Variants in DDX10 observed in about 807,000 individuals in gnomAD.
DDX10 encodes the protein DEAD-box helicase 10.
A neutral mutation model predicts 104.3 loss-of-function variants in DDX10; 74 were observed. That is an observed-to-expected ratio of 0.71 (90% CI 0.59 to 0.86). DDX10 has a LOEUF of 0.86. Among genes scored for constraint, DDX10 ranks in the 40% least tolerant of loss-of-function variants. DDX10 has a pLI of 0.00. For synonymous variants in DDX10, 351 were observed against 353.4 expected (o/e 0.99, Z 0.08); for missense variants, 952 against 1,040.0 (o/e 0.92, Z 1.16).
intron 13 of DDX10, among the ~76,000 whole-genome samples, chr11:108,803,443 A>C (rs1015744651): frequency 6.6e-6 from 1 of 152,062 alleles, no homozygotes; most frequent in Non-Finnish European, 1.5e-5. Flanking sequence ...AAAATAAAAA[A>C]ATTAGCCGAG....
At chr11:108,719,588 G>C (rs2094295748) in intron 11 of DDX10, among the ~76,000 whole-genome samples, 1 of 152,114 alleles carries the variant, frequency 6.6e-6, no homozygotes, top group Non-Finnish European at 1.5e-5. Context: ...TCTGGGTTAG[G>C]TTGGCTTGAA....
chr11:108,907,126 A>G (rs903066767), intron 16 of DDX10, among the ~76,000 whole-genome samples: 3 of 152,114 alleles, frequency 2.0e-5, no homozygotes, highest in African/African-American at 7.2e-5. Flanking sequence ...CACTGCATGC[A>G]TTATTTATAT....
At chr11:108,814,574 T>C (rs1179184179) in intron 13 of DDX10, among the ~76,000 whole-genome samples, 2 of 152,174 alleles carry the variant, frequency 1.3e-5, no homozygotes, top group Non-Finnish European at 2.9e-5. Flanking sequence ...TAAAATGCTT[T>C]GTATAAAAAT....
At chr11:108,888,699 A>C (rs956993592) in intron 16 of DDX10, among the ~76,000 whole-genome samples, 1 of 151,988 alleles carries the variant, frequency 6.6e-6, no homozygotes, top group African/African-American at 2.4e-5. Context: ...AGGATGCTGC[A>C]TGGATGTGCT....
intron 13 of DDX10, among the ~76,000 whole-genome samples, chr11:108,790,326 T>C (rs1470909490): frequency 6.6e-6 from 1 of 152,208 alleles, no homozygotes; most frequent in Admixed American, 6.5e-5. Context: ...ATTAACCCAA[T>C]GAACTACAAA....
intron 13 of DDX10, among the ~76,000 whole-genome samples, chr11:108,809,892 T>C (rs1565285756): frequency 6.6e-6 from 1 of 152,202 alleles, no homozygotes; most frequent in South Asian, 2.1e-4. Context: ...CAAAAATTGA[T>C]AGAGTTTTAT....
intron 10 of DDX10, among the ~76,000 whole-genome samples, chr11:108,708,906 A>C (rs2094280381): frequency 6.6e-6 from 1 of 152,156 alleles, no homozygotes; most frequent in African/African-American, 2.4e-5. Context: ...ATTTGTGATA[A>C]AAACAGGAAA....
intron 13 of DDX10, among the ~76,000 whole-genome samples, chr11:108,770,516 A>T (rs1419503588): frequency 1.1e-4 from 3 of 27,844 alleles, no homozygotes; most frequent in Non-Finnish European, 1.4e-4. Flanking sequence ...ACCAACCCCC[A>T]CTACCCTTCC....
At chr11:108,940,153 A>G in intron 17 of DDX10, 93 bp from the exon 18 acceptor site, 1 of 1,312,538 alleles carries the variant, frequency 7.6e-7, no homozygotes, top group Non-Finnish European at 1.0e-6. Context: ...CTTGAATAAT[A>G]TCACTTTACC....
chr11:108,810,902 C>A (rs76287228), intron 13 of DDX10, among the ~76,000 whole-genome samples: 1 of 152,230 alleles, frequency 6.6e-6, no homozygotes, highest in African/African-American at 2.4e-5. Flanking sequence ...CCGTTTCGCA[C>A]CTCCCCTAGA....
intron 16 of DDX10, among the ~76,000 whole-genome samples, chr11:108,881,674 C>T (rs1423459862): frequency 1.3e-5 from 2 of 152,194 alleles, no homozygotes; most frequent in African/African-American, 2.4e-5. Flanking sequence ...GATGATTTCG[C>T]TCAATGATAG....
intron 13 of DDX10, among the ~76,000 whole-genome samples, chr11:108,754,271 G>A (rs2726889): frequency 0.12 from 18,593 of 151,874 alleles, 1,545 homozygotes; most frequent in East Asian, 0.27. Flanking sequence ...CTTGCCCTCC[G>A]TCTGAGTTGT....
At chr11:108,911,862 G>T (rs769274071) in intron 16 of DDX10, among the ~76,000 whole-genome samples, 1 of 152,090 alleles carries the variant, frequency 6.6e-6, no homozygotes, top group Non-Finnish European at 1.5e-5. Flanking sequence ...TGGGGGTTAG[G>T]TTTCAACACA....
chr11:108,862,026 C>A (rs1447390546), intron 16 of DDX10, among the ~76,000 whole-genome samples: 1 of 152,076 alleles, frequency 6.6e-6, no homozygotes, highest in African/African-American at 2.4e-5. Context: ...CTCTCCCTTT[C>A]ATCAATCTAA....
Position 108,665,099 on chromosome 11 carries a change from G to A in DDX10, c.-55G>A. 1.3e-6 allele frequency: 2 copies of A among 1,543,622 alleles called. No individual in the cohort carries two copies. Among genetic ancestry groups the A allele is most frequent in the Admixed American group, 2.1e-5 (1 of 47,836 alleles). ...TGTCCCATGCTGGTTCCGTGAGTCTGGCCTTAGGTGTCTCGTGTCTGGGGT... is the reference window on the plus strand; with the variant it reads ...TGTCCCATGCTGGTTCCGTGAGTCTAGCCTTAGGTGTCTCGTGTCTGGGGT... On this transcript the variant is annotated 5_prime_UTR_variant, in exon 1 of 18. Transcript: ENST00000322536.
intron 13 of DDX10, among the ~76,000 whole-genome samples, chr11:108,737,719 C>T (rs1261987690): frequency 6.6e-6 from 1 of 152,138 alleles, no homozygotes; most frequent in Non-Finnish European, 1.5e-5. Context: ...AGCCGTTTTC[C>T]TTCCTGTTGG....
intron 16 of DDX10, among the ~76,000 whole-genome samples, chr11:108,878,476 G>A (rs931336495): frequency 6.6e-6 from 1 of 151,902 alleles, no homozygotes; most frequent in Non-Finnish European, 1.5e-5. Flanking sequence ...TTTTATATTG[G>A]TTTTCTTTTC....
At chr11:108,687,310 G>T (rs1457648862) in intron 6 of DDX10, among the ~76,000 whole-genome samples, 2 of 151,856 alleles carry the variant, frequency 1.3e-5, no homozygotes, top group Non-Finnish European at 2.9e-5. Context: ...TCTTTAAATT[G>T]TTTTTTATTT....
intron 14 of DDX10, 129 bp from the exon 15 acceptor site, chr11:108,841,186 A>C: frequency 1.4e-6 from 1 of 730,148 alleles, no homozygotes; most frequent in Non-Finnish European, 2.3e-6. Flanking sequence ...TAGAAGATTA[A>C]ATAATACAGA....
Sources: gnomAD v4.1 joint callset for allele counts (sites outside exome capture counted in the v4.1 genomes callset) on GRCh38, gnomAD v4.1.1 for gene constraint, MANE v1.5 for transcripts, NCBI Gene and HGNC (gene_info 2026-07-23, HGNC 2026-07-21) for gene names.